The following VAV2 variants were observed in gnomAD, a reference collection of about 807,000 sequenced individuals.
The protein encoded by VAV2 is guanine nucleotide exchange factor VAV2.
In VAV2, 67 loss-of-function variants were observed where a neutral mutation model predicts 132.5. The ratio of observed to expected loss-of-function variants is 0.51; its 90% CI spans 0.42 to 0.62. The LOEUF (loss-of-function observed/expected upper bound fraction) is 0.62. VAV2 is among the 20% of genes least tolerant of loss of function. The pLI is 0.00. For synonymous variants in VAV2, 492 were observed against 443.5 expected (o/e 1.11, Z -1.37); for missense variants, 938 against 1,153.6 (o/e 0.81, Z 2.71).
At chr9:133,963,284 C>T (rs1393979478) in intron 1 of VAV2, among the ~76,000 whole-genome samples, 1 of 152,042 alleles carries the variant, frequency 6.6e-6, no homozygotes, top group East Asian at 1.9e-4. Context: ...AGTCAGCAGC[C>T]CAGGATTACT....
chr9:133,937,882 C>T (rs1193461904), intron 2 of VAV2, among the ~76,000 whole-genome samples: 1 of 152,124 alleles, frequency 6.6e-6, no homozygotes, highest in Non-Finnish European at 1.5e-5. Flanking sequence ...TCTAAGGATT[C>T]GATGATTACA....
intron 1 of VAV2, among the ~76,000 whole-genome samples, chr9:133,946,004 A>G (rs1229990574): frequency 6.6e-6 from 1 of 152,202 alleles, no homozygotes; most frequent in African/African-American, 2.4e-5. Flanking sequence ...TCTCACTCAA[A>G]GAGACTGTAC....
At chr9:133,843,467 A>G (rs575579680) in intron 3 of VAV2, among the ~76,000 whole-genome samples, 21 of 152,202 alleles carry the variant, frequency 1.4e-4, no homozygotes, top group Non-Finnish European at 3.1e-4. Context: ...TTGGCCTCCC[A>G]GTGTTGGGAT....
At chr9:133,801,963 T>C (rs1834944663) in intron 9 of VAV2, among the ~76,000 whole-genome samples, 1 of 152,024 alleles carries the variant, frequency 6.6e-6, no homozygotes, top group Admixed American at 6.6e-5. Flanking sequence ...GACATCTCTG[T>C]TGTTTCAAGC....
chr9:133,876,921 G>A (rs1180236481), intron 2 of VAV2, among the ~76,000 whole-genome samples: 1 of 152,228 alleles, frequency 6.6e-6, no homozygotes, highest in South Asian at 2.1e-4. Flanking sequence ...GCTGGCCACC[G>A]GGGTCTGGAC....
intron 2 of VAV2, among the ~76,000 whole-genome samples, chr9:133,913,728 A>G (rs1428220842): frequency 6.6e-6 from 1 of 152,250 alleles, no homozygotes; most frequent in Non-Finnish European, 1.5e-5. Flanking sequence ...AACCCCATGG[A>G]GATGCTCAGA....
intron 2 of VAV2, among the ~76,000 whole-genome samples, chr9:133,868,247 G>A (rs754406123): frequency 6.6e-6 from 1 of 152,244 alleles, no homozygotes; most frequent in Non-Finnish European, 1.5e-5. Flanking sequence ...GTGGCAACAC[G>A]AGGGGCAACC....
At chr9:133,825,218 G>C (rs531754898) in intron 4 of VAV2, among the ~76,000 whole-genome samples, 1 of 151,978 alleles carries the variant, frequency 6.6e-6, no homozygotes, top group Non-Finnish European at 1.5e-5. Context: ...GGGGACAAAG[G>C]CCTTTCTGTC....
chr9:133,976,762 G>A (rs114812332), intron 1 of VAV2, among the ~76,000 whole-genome samples: 41 of 152,268 alleles, frequency 2.7e-4, no homozygotes, highest in African/African-American at 8.9e-4. Flanking sequence ...TGGCTTCCCC[G>A]CCTTAGCATT....
rs773995312 is a variant in VAV2, at chr9:133,771,959, C to A, written c.2223G>T (p.Leu741=). Residue 741 remains leucine, a splice_region_variant and synonymous_variant, in exon 26 of 30, where the codon CTG becomes CTT. Coordinates refer to ENST00000371850, the MANE Select transcript of VAV2 (RefSeq NM_001134398.2). ...ITEAKKFDSL[L]ELVEYYQCHS... is the part of the protein sequence containing the mutation. ...CCGGCCGGAGCCAGAAGTCACCTAC[C>A]AGGAGGCTGTCGAATTTCTTGGCCT... 1 of 1,587,020 alleles carries A rather than the reference C, an allele frequency of 6.3e-7. No homozygotes were observed. The highest frequency in any genetic ancestry group is 1.7e-4 in the Middle Eastern group (1 of 5,922).
Position 133,783,579 on chromosome 9 carries a change from G to A in VAV2, c.1647C>T (p.Tyr549=). The change falls in exon 19 of 30, where the codon TAC becomes TAT. Residue 549 remains tyrosine, a synonymous_variant. Coordinates refer to ENST00000371850, the MANE Select transcript of VAV2 (RefSeq NM_001134398.2). The stretch of plus-strand genomic sequence containing the variant: ...CACACTTGGTACACATGTATCCCTG[G>A]TAGAAGGTGCCCCTGCACAGGGGAG... ...ACKMFLRGTF[Y]QGYMCTKCGV... is the part of the protein sequence containing the mutation. 1 of 1,614,026 alleles carries A rather than the reference G, an allele frequency of 6.2e-7. No individual in the cohort carries two copies. The highest frequency in any genetic ancestry group is 8.5e-7 in the Non-Finnish European group (1 of 1,179,956).
chr9:133,804,571 C>T lies in VAV2; in HGVS notation c.836+1510G>A, dbSNP rs1157881336. ...CACTCTACCACACAGCCAGCCATTC[C>T]TCCTCCAGGGCTTCAGCCTTTGACG... On this transcript the variant is annotated intron_variant, in intron 9 of 29. Coordinates refer to ENST00000371850, the MANE Select transcript of VAV2 (RefSeq NM_001134398.2). This position sits in a 1 kb window ranked among gnomAD's most constrained non-coding sequence, Gnocchi z 4.5. Among the ~76,000 whole-genome samples, 1 of 152,214 alleles carries T rather than the reference C, an allele frequency of 6.6e-6. No individual in the cohort carries two copies. The highest frequency in any genetic ancestry group is 2.4e-5 in the African/African-American group (1 of 41,454).
chr9:133,842,245 A>C (rs2131812941), intron 3 of VAV2, among the ~76,000 whole-genome samples: 1 of 152,328 alleles, frequency 6.6e-6, no homozygotes, highest in African/African-American at 2.4e-5. Context: ...CGGTACAGAA[A>C]GAAAGTGGAA....
intron 2 of VAV2, among the ~76,000 whole-genome samples, chr9:133,891,276 T>G (rs1182837587): frequency 5.7e-4 from 29 of 50,950 alleles, no homozygotes; most frequent in Admixed American, 1.0e-3. Context: ...GGGGGGAGGG[T>G]GGTGGGGAGG....
chr9:133,822,673 C>T (rs1234847431), intron 4 of VAV2, among the ~76,000 whole-genome samples: 1 of 152,166 alleles, frequency 6.6e-6, no homozygotes, highest in Non-Finnish European at 1.5e-5. Flanking sequence ...CTGCACAGGC[C>T]CCAGCTACCA....
At chr9:133,916,273 A>G (rs1840086765) in intron 2 of VAV2, among the ~76,000 whole-genome samples, 1 of 152,238 alleles carries the variant, frequency 6.6e-6, no homozygotes, top group Non-Finnish European at 1.5e-5. Flanking sequence ...GTCCCACTCG[A>G]TAAGAAGGAA....
intron 3 of VAV2, among the ~76,000 whole-genome samples, chr9:133,837,768 T>C (rs1836529419): frequency 6.6e-6 from 1 of 151,888 alleles, no homozygotes; most frequent in African/African-American, 2.4e-5. Context: ...ATTGTCGTAA[T>C]TTTCCCTTTC....
At chr9:133,972,035 C>T (rs1160465404) in intron 1 of VAV2, among the ~76,000 whole-genome samples, 3 of 152,164 alleles carry the variant, frequency 2.0e-5, no homozygotes, top group African/African-American at 4.8e-5. Flanking sequence ...TCACACAGCG[C>T]GGATGCAGAC....
chr9:133,795,556 C>T lies in VAV2; in HGVS notation c.1101+112G>A, dbSNP rs1416454103. On this transcript the variant is annotated intron_variant, in intron 12 of 29. Coordinates refer to ENST00000371850, the MANE Select transcript of VAV2 (RefSeq NM_001134398.2). ...TGCCCTGCCCCAACTCCTGCTGTCCCAGGAAACTGTCCACAGTCAAAACTG... is the reference window on the plus strand; with the variant it reads ...TGCCCTGCCCCAACTCCTGCTGTCCTAGGAAACTGTCCACAGTCAAAACTG... The T allele has an allele frequency of 2.2e-6, 3 of 1,361,628 alleles. No homozygotes were observed. The African/African-American group carries it at 4.3e-5, about 19-fold the overall frequency. The allele number at this position is 1,361,628 out of a possible 1,614,324, so 84.3% of individuals were successfully genotyped here. A position where few individuals can be genotyped will look rare whatever the true frequency, so the allele number is the denominator to read the frequency against.
Sources: allele counts gnomAD v4.1 joint callset (sites outside exome capture counted in the v4.1 genomes callset), GRCh38; gene constraint gnomAD v4.1.1; non-coding constraint Gnocchi (gnomAD v3.1); transcripts MANE v1.5; gene names NCBI Gene and HGNC (gene_info 2026-07-23, HGNC 2026-07-21).